Variants in HS6ST3 observed in about 807,000 individuals in gnomAD.
HS6ST3 encodes the protein heparan-sulfate 6-O-sulfotransferase 3.
In HS6ST3, 12 loss-of-function variants were observed where a neutral mutation model predicts 36.7. The observed-to-expected ratio is 0.33, with a 90% CI of 0.21 to 0.53. The LOEUF (loss-of-function observed/expected upper bound fraction) is 0.53. HS6ST3 is among the 20% of genes least tolerant of loss of function. The pLI, the probability that HS6ST3 is intolerant of heterozygous loss-of-function variation, is 0.95. For synonymous variants in HS6ST3, 240 were observed against 257.5 expected, an observed-to-expected ratio of 0.93 and a Z score of 0.65; for missense variants, 584 against 640.9, an observed-to-expected ratio of 0.91 and a Z score of 0.96.
intron 1 of HS6ST3, among the ~76,000 whole-genome samples, chr13:96,581,313 G>T (rs141339300): frequency 1.3e-5 from 2 of 151,050 alleles, no homozygotes; most frequent in Non-Finnish European, 2.9e-5. Flanking sequence ...TCTGCCTCCC[G>T]GGTTTAAGCG....
chr13:96,599,175 C>T (rs773142762), intron 1 of HS6ST3, among the ~76,000 whole-genome samples: 8 of 151,772 alleles, frequency 5.3e-5, no homozygotes, highest in Non-Finnish European at 8.8e-5. Flanking sequence ...TTAGGCATCA[C>T]GGTGATACTA....
chr13:96,530,073 T>G (rs1042190000), intron 1 of HS6ST3, among the ~76,000 whole-genome samples: 6 of 152,206 alleles, frequency 3.9e-5, no homozygotes, highest in African/African-American at 1.4e-4. Flanking sequence ...GCTCTGAAAA[T>G]GAGGCATTTA....
At chr13:96,436,122 T>C (rs2055640504) in intron 1 of HS6ST3, among the ~76,000 whole-genome samples, 1 of 152,212 alleles carries the variant, frequency 6.6e-6, no homozygotes, top group Non-Finnish European at 1.5e-5. Context: ...CATGGCTGTG[T>C]CTCCTACATC....
intron 1 of HS6ST3, among the ~76,000 whole-genome samples, chr13:96,360,424 G>A (rs1309034496): frequency 6.6e-6 from 1 of 151,966 alleles, no homozygotes; most frequent in African/African-American, 2.4e-5. Context: ...CTTCAAGCTG[G>A]TTGTGGAAAA....
chr13:96,783,652 T>A (rs983911944), intron 1 of HS6ST3, among the ~76,000 whole-genome samples: 1 of 151,480 alleles, frequency 6.6e-6, no homozygotes, highest in Non-Finnish European at 1.5e-5. Context: ...ATGGACAGGA[T>A]GGAGCCACTT....
intron 1 of HS6ST3, among the ~76,000 whole-genome samples, chr13:96,478,662 G>A (rs2055875574): frequency 6.6e-6 from 1 of 152,042 alleles, no homozygotes; most frequent in Non-Finnish European, 1.5e-5. Flanking sequence ...TTTATATTTA[G>A]CGTTTGCTTT....
At chr13:96,645,374 C>T (rs2056585105) in intron 1 of HS6ST3, among the ~76,000 whole-genome samples, 1 of 151,486 alleles carries the variant, frequency 6.6e-6, no homozygotes, top group Non-Finnish European at 1.5e-5. Flanking sequence ...TAAATGAATA[C>T]ATTAAGGCCC....
intron 1 of HS6ST3, among the ~76,000 whole-genome samples, chr13:96,141,809 A>T (rs1370134758): frequency 6.6e-6 from 1 of 152,108 alleles, no homozygotes; most frequent in Non-Finnish European, 1.5e-5. Flanking sequence ...TACTCTATGG[A>T]AAGAATTGTC....
intron 1 of HS6ST3, among the ~76,000 whole-genome samples, chr13:96,152,116 C>T (rs115360711): frequency 6.6e-6 from 1 of 152,104 alleles, no homozygotes; most frequent in East Asian, 1.9e-4. Flanking sequence ...ATAATCTGCT[C>T]TTGAATACTT....
chr13:96,115,276 ATTTG>A (rs2053888497), intron 1 of HS6ST3, among the ~76,000 whole-genome samples: 1 of 152,056 alleles, frequency 6.6e-6, no homozygotes, highest in Non-Finnish European at 1.5e-5. Flanking sequence ...TGGTGTTTTT[ATTTG>A]TTTGTTTTAC....
intron 1 of HS6ST3, among the ~76,000 whole-genome samples, chr13:96,606,018 A>G (rs117503673): frequency 0.016 from 2,410 of 152,322 alleles, 123 homozygotes; most frequent in East Asian, 0.1. Context: ...CAAAACCACA[A>G]TGAAATACCA....
In HS6ST3 at chr13:96,090,366, G is replaced by A. The variant is rs887336709; in HGVS notation, c.-497G>A. ...CGTGCCGGGCGCGGTGCCCGCGGCC[G>A]GCCGGGGCGGCGGGAGCGGGCCGCG... On this transcript the variant is annotated 5_prime_UTR_variant, in exon 1 of 2. Coordinates refer to ENST00000376705, the MANE Select transcript of HS6ST3 (RefSeq NM_153456.4). 6.2e-5 allele frequency among the ~76,000 whole-genome samples: 9 copies of A among 146,212 alleles called. No individual in the cohort carries two copies. Among genetic ancestry groups the A allele is most frequent in the African/African-American group, 2.2e-4 (9 of 40,808 alleles).
chr13:96,314,016 C>A (rs571970110), intron 1 of HS6ST3, among the ~76,000 whole-genome samples: 1 of 152,236 alleles, frequency 6.6e-6, no homozygotes, highest in African/African-American at 2.4e-5. Context: ...GCCTGGGCAA[C>A]ATGACAAAAC....
intron 1 of HS6ST3, among the ~76,000 whole-genome samples, chr13:96,689,286 C>T (rs1293437825): frequency 1.3e-5 from 2 of 152,060 alleles, no homozygotes; most frequent in Non-Finnish European, 2.9e-5. Context: ...ACAGTAATCT[C>T]TTTACAGCTA....
chr13:96,137,725 G>C (rs889066385), intron 1 of HS6ST3, among the ~76,000 whole-genome samples: 1 of 152,146 alleles, frequency 6.6e-6, no homozygotes, highest in East Asian at 1.9e-4. Flanking sequence ...CCTTTCTGCC[G>C]CCGTGGGCCA....
chr13:96,474,623 T>C lies in HS6ST3; in HGVS notation c.708-357867T>C, dbSNP rs541951784. The stretch of plus-strand genomic sequence containing the variant: ...GAGTTTAATGTAATACGTTAATAAT[T>C]TGGAGTGATTTTCTTGTATTCAGCC... On this transcript the variant is annotated intron_variant, in intron 1 of 1. Coordinates refer to ENST00000376705, the MANE Select transcript of HS6ST3 (RefSeq NM_153456.4). Among the ~76,000 whole-genome samples the C allele has an allele frequency of 3.3e-5, 5 of 152,298 alleles. No homozygotes were observed. In the South Asian group the frequency reaches 8.3e-4, roughly 25 times the overall value.
At chr13:96,517,457 G>A (rs983088252) in intron 1 of HS6ST3, among the ~76,000 whole-genome samples, 2 of 152,172 alleles carry the variant, frequency 1.3e-5, no homozygotes, top group African/African-American at 4.8e-5. Context: ...CAGGGAGATG[G>A]GGGGAGAGGG....
intron 1 of HS6ST3, among the ~76,000 whole-genome samples, chr13:96,714,449 C>A (rs1875642338): frequency 6.6e-6 from 1 of 152,194 alleles, no homozygotes; most frequent in Non-Finnish European, 1.5e-5. Context: ...AAAGCAATGC[C>A]GGTTTTACCT....
intron 1 of HS6ST3, among the ~76,000 whole-genome samples, chr13:96,514,993 A>G (rs1358834344): frequency 1.3e-5 from 2 of 152,238 alleles, no homozygotes; most frequent in Non-Finnish European, 2.9e-5. Flanking sequence ...AGCCACCTCA[A>G]GGCAACAATG....
Sources: allele counts gnomAD v4.1 joint callset (sites outside exome capture counted in the v4.1 genomes callset), GRCh38; gene constraint gnomAD v4.1.1; transcripts MANE v1.5; gene names NCBI Gene and HGNC (gene_info 2026-07-23, HGNC 2026-07-21).